The following MAK variants were observed in gnomAD, a reference collection of about 807,000 sequenced individuals.
MAK encodes the protein male germ cell associated kinase, also known as serine/threonine-protein kinase MAK.
MAK carries 65 observed loss-of-function variants against 82.6 expected under a neutral mutation model. That is an observed-to-expected ratio of 0.79 (90% CI 0.64 to 0.97). The LOEUF is 0.97. Ranked by LOEUF, MAK falls within the 50% of genes least tolerant of loss-of-function variation. The probability of loss-of-function intolerance (pLI) is 0.00; values close to 1 mark genes in which losing one functional copy is unlikely to be tolerated. For synonymous variants in MAK, 250 were observed against 274.2 expected (o/e 0.91, Z 0.87); for missense variants, 703 against 780.2 (o/e 0.90, Z 1.18).
chr6:10,781,304 T>C (rs577324740), intron 11 of MAK, among the ~76,000 whole-genome samples: 1 of 152,304 alleles, frequency 6.6e-6, no homozygotes, highest in African/African-American at 2.4e-5. Context: ...TTCTCTCACT[T>C]TCAAGAATCA....
intron 9 of MAK, among the ~76,000 whole-genome samples, chr6:10,795,466 G>C (rs1775459203): frequency 6.6e-6 from 1 of 151,476 alleles, no homozygotes; most frequent in African/African-American, 2.4e-5. Flanking sequence ...GAAAAGCCCA[G>C]GTGCAGTGGC....
intron 14 of MAK, among the ~76,000 whole-genome samples, chr6:10,765,747 A>G (rs951219088): frequency 6.6e-6 from 1 of 152,096 alleles, no homozygotes; most frequent in Non-Finnish European, 1.5e-5. Context: ...CAGCCTCCCA[A>G]AGTGCTAGGA....
Position 10,830,875 on chromosome 6 carries a change from A to T in MAK, c.-227T>A. 2 of 519,216 alleles carry T rather than the reference A, an allele frequency of 3.9e-6. No homozygotes were observed. The highest frequency in any genetic ancestry group is 7.0e-6 in the Non-Finnish European group (2 of 286,846). 32.2% of individuals were successfully genotyped at this position (519,216 alleles called of 1,614,324 possible). On this transcript the variant is annotated splice_region_variant and 5_prime_UTR_variant, in exon 2 of 15. Transcript: ENST00000354489. ...AAACAACACTTCCATTCTTATAAAC[A>T]CCCTAAAGAAAGAAAACAAGGATAT... is the stretch of plus-strand genomic sequence containing the variant.
At chr6:10,832,596 A>G (rs983798015) in intron 1 of MAK, among the ~76,000 whole-genome samples, 1 of 152,170 alleles carries the variant, frequency 6.6e-6, no homozygotes, top group Non-Finnish European at 1.5e-5. Flanking sequence ...TTTTTTAGCA[A>G]TAAGATTTTT....
chr6:10,785,867 CAACT>C (rs1379773007), intron 10 of MAK, among the ~76,000 whole-genome samples: 2 of 152,166 alleles, frequency 1.3e-5, no homozygotes, highest in African/African-American at 4.8e-5. Context: ...GGCTTAATTC[CAACT>C]AGGTATTTAG....
rs1411261521 is a variant in MAK, at chr6:10,773,089, T to C, written c.1617A>G (p.Pro539=). 13 of 1,523,352 alleles carry C rather than the reference T, an allele frequency of 8.5e-6. No homozygotes were observed. The Admixed American group carries it at 2.4e-4, about 28-fold the overall frequency. The allele number at this position is 1,523,352 out of a possible 1,614,324, so 94.4% of individuals were successfully genotyped here. ...TTTCATTGCATGATAGTTTTTCGAT[T>C]GGTTTAATTATGCTTTCTTCTAAAG... The part of the protein sequence containing the change: ...RSNAEESIIK[P]IEKLSCNETF... Residue 539 remains proline, a synonymous_variant, in exon 13 of 15, where the codon CCA becomes CCG. Transcript: ENST00000354489.
At chr6:10,826,102 C>A (rs1400116837) in intron 2 of MAK, among the ~76,000 whole-genome samples, 1 of 152,094 alleles carries the variant, frequency 6.6e-6, no homozygotes, top group Non-Finnish European at 1.5e-5. Context: ...GCCTCACGTC[C>A]CTCCTCTGCC....
chr6:10,809,706 C>T (rs71548516), intron 5 of MAK, among the ~76,000 whole-genome samples: 148 of 152,262 alleles, frequency 9.7e-4, no homozygotes, highest in Non-Finnish European at 1.9e-3. Context: ...ATAGCTGTGT[C>T]GTTGCAAAAT....
intron 13 of MAK, among the ~76,000 whole-genome samples, chr6:10,770,621 G>A (rs1772917390): frequency 6.6e-6 from 1 of 152,180 alleles, no homozygotes; most frequent in Non-Finnish European, 1.5e-5. Context: ...CTCTGTGTCT[G>A]TCTTCATTCT....
chr6:10,823,795 G>T (rs1277408392), intron 2 of MAK, among the ~76,000 whole-genome samples: 4 of 152,138 alleles, frequency 2.6e-5, no homozygotes, highest in African/African-American at 9.7e-5. Flanking sequence ...CTCCCAAAGT[G>T]CTGGGATTAC....
chr6:10,799,874 C>G (rs1278806130), intron 8 of MAK, among the ~76,000 whole-genome samples: 1 of 151,592 alleles, frequency 6.6e-6, no homozygotes, highest in Non-Finnish European at 1.5e-5. Context: ...AAGGTGAAAC[C>G]CCATCTCTAC....
chr6:10,771,675 TC>T (rs1773036476), intron 13 of MAK, among the ~76,000 whole-genome samples: 1 of 152,242 alleles, frequency 6.6e-6, no homozygotes, highest in African/African-American at 2.4e-5. Context: ...TCAACAGGTG[TC>T]TGCTCTTGAA....
At chr6:10,815,362 C>T (rs969267973) in intron 4 of MAK, among the ~76,000 whole-genome samples, 1 of 152,076 alleles carries the variant, frequency 6.6e-6, no homozygotes, top group East Asian at 1.9e-4. Context: ...GTGGCTCCCC[C>T]CTGTAATCCC....
In MAK at chr6:10,813,648, T is replaced by C. The variant is rs1356646549; in HGVS notation, c.354A>G (p.Lys118=). 1.3e-6 allele frequency: 2 copies of C among 1,572,454 alleles called. No individual in the cohort carries two copies. Among genetic ancestry groups the C allele is most frequent in the Admixed American group, 1.7e-5 (1 of 59,968 alleles). The change falls in exon 5 of 15, where the codon AAA becomes AAG. Residue 118 remains lysine (K), a synonymous_variant. Transcript: ENST00000354489. ...TTAAACTTAAAAGAAACCTACCATGTTTATGGATAAAAGCCAGCCCTTGCA... is the reference window on the plus strand; with the variant it reads ...TTAAACTTAAAAGAAACCTACCATGCTTATGGATAAAAGCCAGCCCTTGCA... The part of the protein sequence containing the change: ...QILQGLAFIH[K]HGFFHRDMKP...
At chr6:10,782,294 C>G (rs1774072938) in intron 11 of MAK, among the ~76,000 whole-genome samples, 2 of 151,532 alleles carry the variant, frequency 1.3e-5, no homozygotes, top group South Asian at 4.2e-4. Flanking sequence ...CGCCAAATAC[C>G]CAGGGTTATA....
At chr6:10,783,943 T>C (rs1444563603) in intron 11 of MAK, among the ~76,000 whole-genome samples, 3 of 151,850 alleles carry the variant, frequency 2.0e-5, no homozygotes, top group Non-Finnish European at 4.4e-5. Context: ...GGCTTAAACC[T>C]GGGAGGTGGA....
intron 6 of MAK, among the ~76,000 whole-genome samples, chr6:10,806,505 A>ATTTTTTTTTT (rs70991049): frequency 3.6e-4 from 42 of 117,110 alleles, no homozygotes; most frequent in Non-Finnish European, 5.2e-4. Flanking sequence ...CACCCGTCTA[A>ATTTTTTTTTT]TTTTTTTTTT....
At chr6:10,790,042 C>T (rs963381572) in intron 10 of MAK, among the ~76,000 whole-genome samples, 1 of 152,198 alleles carries the variant, frequency 6.6e-6, no homozygotes, top group African/African-American at 2.4e-5. Flanking sequence ...TACCCAATTT[C>T]TGTAAGACAA....
chr6:10,798,178 C>T (rs1775721624), intron 8 of MAK, among the ~76,000 whole-genome samples: 2 of 138,642 alleles, frequency 1.4e-5, no homozygotes, highest in Non-Finnish European at 3.0e-5. Flanking sequence ...AGTGCAGTGG[C>T]ACGATCTTGG....
Sources: allele counts gnomAD v4.1 joint callset (sites outside exome capture counted in the v4.1 genomes callset), GRCh38; gene constraint gnomAD v4.1.1; transcripts MANE v1.5; gene names NCBI Gene and HGNC (gene_info 2026-07-23, HGNC 2026-07-21).